PLEKHM2: variants seen among roughly 807,000 people sequenced by gnomAD.
PLEKHM2 encodes pleckstrin homology and RUN domain containing M2, also known as pleckstrin homology domain-containing family M member 2.
In PLEKHM2, 77 loss-of-function variants were observed where a neutral mutation model predicts 116.3. The ratio of observed to expected loss-of-function variants is 0.66; its 90% confidence interval spans 0.55 to 0.80. The LOEUF (loss-of-function observed/expected upper bound fraction) is 0.80, where lower values mean the gene tolerates loss of function less well. Among genes scored for constraint, PLEKHM2 ranks in the 30% least tolerant of loss-of-function variants. The probability of loss-of-function intolerance (pLI) is 0.00; values close to 1 mark genes in which losing one functional copy is unlikely to be tolerated. For missense variants in PLEKHM2, 1,183 were observed against 1,354.9 expected (o/e 0.87, Z 1.99); for synonymous variants, 562 against 571.0 (o/e 0.98, Z 0.22).
At chr1:15,723,932 A>G (rs1349124233) in intron 7 of PLEKHM2, among the ~76,000 whole-genome samples, 1 of 152,200 alleles carries the variant, frequency 6.6e-6, no homozygotes, top group African/African-American at 2.4e-5. Context: ...ATAGAGCACG[A>G]CCAGCCATGG....
intron 1 of PLEKHM2, among the ~76,000 whole-genome samples, chr1:15,696,056 T>C (rs1375424385): frequency 6.6e-6 from 1 of 151,794 alleles, no homozygotes; most frequent in East Asian, 1.9e-4. Context: ...CTCAAGCCAT[T>C]CTCCACCTTG....
chr1:15,730,625 C>G lies in PLEKHM2; in HGVS notation c.2302C>G (p.Pro768Ala), dbSNP rs754341890. 1 of 1,608,374 alleles carries G rather than the reference C, an allele frequency of 6.2e-7. No homozygotes were observed. The highest frequency in any genetic ancestry group is 8.5e-7 in the Non-Finnish European group (1 of 1,177,786). Residue 768 changes from proline to alanine, a missense_variant, in exon 15 of 20, where the codon CCC (proline) becomes GCC (alanine). Pro to Ala is a conservative substitution (Grantham distance 27). This residue lies in a region of PLEKHM2 where 594 missense variants were observed against 720.1 expected (regional missense o/e 0.82). Coordinates refer to ENST00000375799, the MANE Select transcript of PLEKHM2 (RefSeq NM_015164.4). ...CCCCACGCCCTGCCACTGCTCACCC[C>G]CCGAGGGCACCATCACCAAAGAAGG... is the stretch of plus-strand genomic sequence containing the variant. ...LGPTPCHCSP[P>A]EGTITKEGML...
Position 15,727,351 on chromosome 1 carries a change from T to C in PLEKHM2, c.1279T>C (p.Cys427Arg). The change falls in exon 9 of 20, where the codon TGC (cysteine) becomes CGC (arginine). Residue 427 changes from cysteine (C) to arginine (R), a missense_variant. This residue lies in a region of PLEKHM2 where 372 missense variants were observed against 357.2 expected (regional missense o/e 1.04). Transcript: ENST00000375799. This position sits in a 1 kb window ranked among gnomAD's most constrained non-coding sequence, Gnocchi z 7.5. The part of the protein sequence containing the change: ...LNGQLDPSTW[C>R]SRAEPPDQSF... ...CGGGCAGCTGGACCCCAGCACCTGG[T>C]GCTCCCGTGCTGAGCCCCCAGACCA... The C allele has an allele frequency of 6.3e-7, 1 of 1,596,958 alleles. No homozygotes were observed.
chr1:15,689,952 C>T (rs543520669), intron 1 of PLEKHM2, among the ~76,000 whole-genome samples: 5 of 152,232 alleles, frequency 3.3e-5, no homozygotes, highest in South Asian at 2.1e-4. Flanking sequence ...GACAGGGTTT[C>T]GCCATGTTGG....
intron 17 of PLEKHM2, 118 bp downstream of exon 17, chr1:15,732,166 G>GGGC: frequency 1.9e-6 from 2 of 1,052,246 alleles, no homozygotes; most frequent in Non-Finnish European, 2.8e-6. Flanking sequence ...GACCTCCAGG[G>GGGC]GGCAGCCCAG....
At chr1:15,723,767 AAAG>A (rs2068025157) in intron 7 of PLEKHM2, among the ~76,000 whole-genome samples, 1 of 146,218 alleles carries the variant, frequency 6.8e-6, no homozygotes, top group Admixed American at 6.7e-5. Flanking sequence ...AAAAAAAAAA[AAAG>A]GACGGTGTGC....
chr1:15,698,392 C>CAGTATTTTGT (rs1359613892), intron 1 of PLEKHM2, among the ~76,000 whole-genome samples: 3 of 151,660 alleles, frequency 2.0e-5, no homozygotes, highest in African/African-American at 7.3e-5. Context: ...TTTGTAGGGA[C>CAGTATTTTGT]AGGGGTCTTG....
chr1:15,696,062 C>T (rs1189312594), intron 1 of PLEKHM2, among the ~76,000 whole-genome samples: 2 of 151,658 alleles, frequency 1.3e-5, no homozygotes, highest in Non-Finnish European at 2.9e-5. Context: ...CCATTCTCCA[C>T]CTTGGCTTCC....
intron 1 of PLEKHM2, among the ~76,000 whole-genome samples, chr1:15,708,862 G>A (rs1045933105): frequency 1.3e-5 from 2 of 152,142 alleles, no homozygotes; most frequent in Non-Finnish European, 2.9e-5. Context: ...ATTAAATTAC[G>A]TTTGAAAAGT....
chr1:15,689,179 C>T (rs529844540), intron 1 of PLEKHM2, among the ~76,000 whole-genome samples: 24 of 144,262 alleles, frequency 1.7e-4, no homozygotes, highest in Middle Eastern at 7.2e-3. Flanking sequence ...ACTCGGGAGG[C>T]GGAGGTTGTG....
chr1:15,723,774 G>GGTGT (rs1470199310), intron 7 of PLEKHM2, among the ~76,000 whole-genome samples: 3 of 151,220 alleles, frequency 2.0e-5, no homozygotes, highest in Non-Finnish European at 4.4e-5. Flanking sequence ...AAAAAAGGAC[G>GGTGT]GTGTGCTGCA....
rs770089797 is a variant in PLEKHM2, at chr1:15,718,509, G to A, written c.378-29G>A. ...GCCAGGCTGGTAAACAGACCCAGAG[G>A]CACCATCGTGGCTTCTCATGTCTTG... On this transcript the variant is annotated intron_variant, in intron 4 of 19. Transcript: ENST00000375799. 6.6e-6 allele frequency: 9 copies of A among 1,366,552 alleles called. No individual in the cohort carries two copies. In the East Asian group the frequency reaches 9.9e-5, roughly 15 times the overall value. 84.7% of individuals were successfully genotyped at this position (1,366,552 alleles called of 1,614,324 possible). A position where few individuals can be genotyped will look rare whatever the true frequency, so the allele number is the denominator to read the frequency against.
intron 8 of PLEKHM2, chr1:15,725,980 C>G (rs973372765): frequency 5.6e-6 from 1 of 178,600 alleles, no homozygotes; most frequent in East Asian, 1.6e-4. Context: ...CCCCCCACCC[C>G]CTGATACCAT....
At position 15,728,616 on chromosome 1, in the gene PLEKHM2, G is replaced by A. The variant is rs1251234690; in HGVS notation, c.1922-53G>A. The A allele has an allele frequency of 6.7e-7, 1 of 1,482,676 alleles. No homozygotes were observed. Among genetic ancestry groups the A allele is most frequent in the African/African-American group, 1.4e-5 (1 of 72,070 alleles). The allele number at this position is 1,482,676 out of a possible 1,614,324, so 91.8% of individuals were successfully genotyped here. On this transcript the variant is annotated intron_variant, in intron 11 of 19. Coordinates refer to ENST00000375799, the MANE Select transcript of PLEKHM2 (RefSeq NM_015164.4). The surrounding 1 kb of genome is among the most constrained non-coding windows in gnomAD (Gnocchi z 5.9). Reference sequence around the variant, plus strand: ...GCTGTGTCTAAGAAAATGGGGCAGGGGGAGGGAAAAGAGGCCTGTGGGGAT... The same window carrying A: ...GCTGTGTCTAAGAAAATGGGGCAGGAGGAGGGAAAAGAGGCCTGTGGGGAT...
intron 8 of PLEKHM2, chr1:15,725,874 T>C (rs1168459009): frequency 5.7e-6 from 2 of 353,964 alleles, no homozygotes; most frequent in Non-Finnish European, 1.1e-5. Flanking sequence ...CTCTTCTCGC[T>C]GTGTTGTGGC....
At position 15,719,788 on chromosome 1, in the gene PLEKHM2, T is replaced by C; in HGVS notation, c.520T>C (p.Tyr174His). 2 of 1,613,776 alleles carry C rather than the reference T, an allele frequency of 1.2e-6. No homozygotes were observed. The highest frequency in any genetic ancestry group is 1.7e-6 in the Non-Finnish European group (2 of 1,179,772). Residue 174 changes from tyrosine (Y) to histidine (H), a missense_variant, in exon 6 of 20, where the codon TAC becomes CAC. Tyr to His is a moderately conservative substitution (Grantham distance 83). Transcript: ENST00000375799. The surrounding 1 kb of genome is among the most constrained non-coding windows in gnomAD (Gnocchi z 4.1). ...PYMPDYYKPQ[Y>H]LLDFEDRLPS... Reference sequence around the variant, plus strand: ...CATGCCCGACTACTACAAACCTCAGTACCTGCTGGACTTTGAAGACCGCCT... The same window carrying C: ...CATGCCCGACTACTACAAACCTCAGCACCTGCTGGACTTTGAAGACCGCCT...
Position 15,733,887 on chromosome 1 carries a change from A to T in PLEKHM2, c.3013A>T (p.Ser1005Cys), listed in dbSNP as rs755528015. Residue 1005 changes from serine (S) to cysteine (C), a missense_variant, in exon 20 of 20, where the codon AGC (serine) becomes TGC (cysteine). Around this residue, in one of 3 missense-constraint regions of PLEKHM2, gnomAD observed 594 missense variants for 720.1 expected, o/e 0.82. Transcript: ENST00000375799. ...LSLIHSAWQR[S>C]DSLCRGRASR... ...CCTCATCCACAGCGCCTGGCAGCGGAGCGACAGTCTCTGCCGCGGCCGAGC... is the reference window on the plus strand; with the variant it reads ...CCTCATCCACAGCGCCTGGCAGCGGTGCGACAGTCTCTGCCGCGGCCGAGC... 5 of 1,612,874 alleles carry T rather than the reference A, an allele frequency of 3.1e-6. No individual in the cohort carries two copies. In the Admixed American group the frequency reaches 6.7e-5, roughly 22 times the overall value.
At chr1:15,706,318 G>C (rs1482164074) in intron 1 of PLEKHM2, among the ~76,000 whole-genome samples, 1 of 152,266 alleles carries the variant, frequency 6.6e-6, no homozygotes, top group African/African-American at 2.4e-5. Flanking sequence ...TGCCCCTGCT[G>C]TTCCTCTAAC....
Position 15,719,489 on chromosome 1 carries a change from C to CG in PLEKHM2, c.466-240dup, listed in dbSNP as rs1396997798. Reference sequence around the variant, plus strand: ...AATAAATAGAGAGAGAGAGAGATAGCGGGGGCATCAAAGGGTGTAGCTGAG... The same window carrying CG: ...AATAAATAGAGAGAGAGAGAGATAGCGGGGGGCATCAAAGGGTGTAGCTGAG... On this transcript the variant is annotated intron_variant, in intron 5 of 19. Coordinates refer to ENST00000375799, the MANE Select transcript of PLEKHM2 (RefSeq NM_015164.4). This position sits in a 1 kb window ranked among gnomAD's most constrained non-coding sequence, Gnocchi z 4.1. 6.6e-6 allele frequency among the ~76,000 whole-genome samples: 1 copy of CG among 151,960 alleles called. No homozygotes were observed. The highest frequency in any genetic ancestry group is 1.5e-5 in the Non-Finnish European group (1 of 67,974).
Sources: allele counts gnomAD v4.1 joint callset (sites outside exome capture counted in the v4.1 genomes callset), GRCh38; gene constraint gnomAD v4.1.1; regional missense constraint gnomAD v4.1.1; non-coding constraint Gnocchi (gnomAD v3.1); transcripts MANE v1.5; gene names NCBI Gene and HGNC (gene_info 2026-07-23, HGNC 2026-07-21).